The following GRIK1 variants were observed in gnomAD, a reference collection of about 807,000 sequenced individuals.
The protein encoded by GRIK1 is glutamate ionotropic receptor kainate type subunit 1, also known as glutamate receptor ionotropic, kainate 1.
GRIK1 carries 69 observed loss-of-function variants against 105.7 expected under a neutral mutation model. The observed-to-expected ratio is 0.65, with a 90% CI of 0.54 to 0.80. The LOEUF (loss-of-function observed/expected upper bound fraction) is 0.80, where lower values mean the gene tolerates loss of function less well. Among genes scored for constraint, GRIK1 ranks in the 30% least tolerant of loss-of-function variants. The pLI is 0.00. For missense variants in GRIK1, 1,109 were observed against 1,167.3 expected (o/e 0.95, Z 0.73); for synonymous variants, 438 against 431.3 (o/e 1.02, Z -0.19).
In GRIK1 at chr21:29,889,498, CT is replaced by C. The variant is rs145410391; in HGVS notation, c.118+49884del. 6.8e-3 allele frequency among the ~76,000 whole-genome samples: 1,014 copies of C among 149,340 alleles called. 16 individuals carry two copies. The highest frequency in any genetic ancestry group is 0.023 in the African/African-American group (943 of 40,860). On this transcript the variant is annotated intron_variant, in intron 1 of 17. Coordinates refer to ENST00000327783, the MANE Select transcript of GRIK1 (RefSeq NM_001330994.2). ...GCGTTTCAATTTTTTCCTTCTCCTT[CT>C]TTTTTTTTTCTCCTCCACCTCTTGT...
intron 1 of GRIK1, among the ~76,000 whole-genome samples, chr21:29,858,118 C>T (rs533521103): frequency 6.6e-6 from 1 of 152,226 alleles, no homozygotes; most frequent in South Asian, 2.1e-4. Context: ...CAGCTGGTCT[C>T]GAACTCCCGG....
chr21:29,862,959 G>T (rs2068692451), intron 1 of GRIK1, among the ~76,000 whole-genome samples: 1 of 152,136 alleles, frequency 6.6e-6, no homozygotes, highest in Non-Finnish European at 1.5e-5. Context: ...CAATACTGAT[G>T]GACAACTGTA....
intron 4 of GRIK1, among the ~76,000 whole-genome samples, chr21:29,672,457 T>G (rs2063177170): frequency 6.6e-6 from 1 of 152,224 alleles, no homozygotes; most frequent in African/African-American, 2.4e-5. Flanking sequence ...ATCCACATTA[T>G]CTGTGGAGAC....
At chr21:29,927,710 A>C (rs2146346386) in intron 1 of GRIK1, among the ~76,000 whole-genome samples, 1 of 152,066 alleles carries the variant, frequency 6.6e-6, no homozygotes, top group Non-Finnish European at 1.5e-5. Flanking sequence ...GTCTCTACTA[A>C]AAATACAAAA....
chr21:29,833,537 AG>A (rs1250585376), intron 1 of GRIK1, among the ~76,000 whole-genome samples: 1 of 152,186 alleles, frequency 6.6e-6, no homozygotes, highest in Non-Finnish European at 1.5e-5. Context: ...TAGAAGGTAA[AG>A]GGGAAGCAGC....
At chr21:29,542,213 G>A (rs1287953169) in intron 16 of GRIK1, among the ~76,000 whole-genome samples, 2 of 152,148 alleles carry the variant, frequency 1.3e-5, no homozygotes, top group Admixed American at 1.3e-4. Flanking sequence ...ATCCCTCCAT[G>A]CTTGTGGTGT....
chr21:29,768,543 A>G (rs2065732608), intron 1 of GRIK1, among the ~76,000 whole-genome samples: 1 of 152,102 alleles, frequency 6.6e-6, no homozygotes, highest in Non-Finnish European at 1.5e-5. Context: ...CAGGGCACAA[A>G]AAGAGGAAGC....
intron 1 of GRIK1, among the ~76,000 whole-genome samples, chr21:29,818,671 T>A (rs921683872): frequency 6.6e-6 from 1 of 152,102 alleles, no homozygotes. Flanking sequence ...TTTCTCAGTA[T>A]CTATTTGTAA....
chr21:29,673,150 G>A lies in GRIK1; in HGVS notation c.559C>T (p.Gln187Ter). 1.2e-6 allele frequency: 2 copies of A among 1,608,630 alleles called. No homozygotes were observed. Among genetic ancestry groups the A allele is most frequent in the Non-Finnish European group, 1.7e-6 (2 of 1,175,606 alleles). Residue 187 changes from glutamine (Q) to a stop codon, truncating the protein, a stop_gained, in exon 4 of 18, where the codon CAA (glutamine) becomes TAA (stop). Coordinates refer to ENST00000327783, the MANE Select transcript of GRIK1 (RefSeq NM_001330994.2). LOFTEE classifies it high-confidence loss of function. ...YEDSTGLIRL[Q>*]ELIKAPSRYN... ...CTGGAGGGAGCTTTGATGAGCTCTT[G>A]TAGACGAATTAGACCTAGAAAATGA...
intron 1 of GRIK1, among the ~76,000 whole-genome samples, chr21:29,833,420 A>G (rs2067697121): frequency 6.6e-6 from 1 of 152,174 alleles, no homozygotes; most frequent in South Asian, 2.1e-4. Context: ...GTAAAGAACC[A>G]TCTGAGACTG....
chr21:29,730,734 T>C (rs55870067), intron 1 of GRIK1, among the ~76,000 whole-genome samples: 12,857 of 152,238 alleles, frequency 0.084, 1,112 homozygotes, highest in African/African-American at 0.21. Flanking sequence ...ATTCTCTCTT[T>C]CTATTCACAA....
chr21:29,867,222 A>C (rs1434366742), intron 1 of GRIK1, among the ~76,000 whole-genome samples: 3 of 152,172 alleles, frequency 2.0e-5, no homozygotes, highest in Admixed American at 1.3e-4. Flanking sequence ...GCTTTAGTGA[A>C]TTAGAATAAA....
chr21:29,698,754 TC>T (rs1252346301), intron 1 of GRIK1, among the ~76,000 whole-genome samples: 2 of 151,998 alleles, frequency 1.3e-5, no homozygotes, highest in Non-Finnish European at 2.9e-5. Flanking sequence ...AATATCCACC[TC>T]CCCAGCCTCT....
At chr21:29,857,092 G>A (rs1160426652) in intron 1 of GRIK1, among the ~76,000 whole-genome samples, 3 of 152,078 alleles carry the variant, frequency 2.0e-5, no homozygotes. Context: ...TAATCCAAGG[G>A]GTTATATGGA....
At chr21:29,545,911 T>C (rs894559115) in intron 16 of GRIK1, among the ~76,000 whole-genome samples, 1 of 152,204 alleles carries the variant, frequency 6.6e-6, no homozygotes, top group Admixed American at 6.5e-5. Flanking sequence ...AATTCACTTT[T>C]GGTTTAAAAT....
intron 1 of GRIK1, among the ~76,000 whole-genome samples, chr21:29,756,708 C>CA (rs963408492): frequency 7.3e-5 from 11 of 151,112 alleles, no homozygotes; most frequent in South Asian, 6.3e-4. Flanking sequence ...AACAAAAAAA[C>CA]AAAAAAAACT....
intron 7 of GRIK1, among the ~76,000 whole-genome samples, chr21:29,621,056 A>AC (rs1162107936): frequency 1.3e-4 from 19 of 152,000 alleles, no homozygotes; most frequent in Middle Eastern, 3.4e-3. Flanking sequence ...CTACATAACC[A>AC]TAAGCTTTGG....
chr21:29,667,623 A>G (rs996434829), intron 4 of GRIK1, among the ~76,000 whole-genome samples: 3 of 152,166 alleles, frequency 2.0e-5, no homozygotes, highest in Admixed American at 1.3e-4. Context: ...ATCTCCCTCA[A>G]TTTGTTCATG....
chr21:29,738,434 T>G (rs549218595), intron 1 of GRIK1, among the ~76,000 whole-genome samples: 1 of 152,374 alleles, frequency 6.6e-6, no homozygotes, highest in African/African-American at 2.4e-5. Flanking sequence ...TCAAATCTTT[T>G]TGCAGTCACT....
Sources: gnomAD v4.1 joint callset for allele counts (sites outside exome capture counted in the v4.1 genomes callset) on GRCh38, gnomAD v4.1.1 for gene constraint, MANE v1.5 for transcripts, NCBI Gene and HGNC (gene_info 2026-07-23, HGNC 2026-07-21) for gene names.